Variants in RAB26 observed in about 807,000 individuals in gnomAD.
The protein encoded by RAB26 is ras-related protein Rab-26.
RAB26 carries 39 observed loss-of-function variants against 33.1 expected under a neutral mutation model. The observed-to-expected ratio is 1.18, with a 90% CI of 0.91 to 1.54. RAB26 has a LOEUF of 1.54. RAB26 is among the 40% of genes most tolerant of loss of function. The pLI is 0.00. For synonymous variants in RAB26, 192 were observed against 151.9 expected, an observed-to-expected ratio of 1.26 and a Z score of -1.94; for missense variants, 468 against 362.9, an observed-to-expected ratio of 1.29 and a Z score of -2.35.
At chr16:2,149,917 C>T in intron 1 of RAB26, 24 bp from the exon 2 acceptor site, 1 of 1,502,628 alleles carries the variant, frequency 6.7e-7, no homozygotes, top group Non-Finnish European at 8.9e-7. Flanking sequence ...ACCAGACTCC[C>T]CCCAACCCTC....
rs930172417 is a variant in RAB26 at position 2,153,345 on chromosome 16, C to T, written c.695C>T (p.Ala232Val). 3.7e-5 allele frequency: 60 copies of T among 1,613,412 alleles called. No individual in the cohort carries two copies. The highest frequency in any genetic ancestry group is 1.6e-4 in the Middle Eastern group (1 of 6,084). Residue 232 changes from alanine to valine, a missense_variant, in exon 9 of 9, where the codon GCT (alanine) becomes GTT (valine). Coordinates refer to ENST00000210187, the MANE Select transcript of RAB26 (RefSeq NM_014353.5). ...GAGTTGAAGCAGCGCTCCATGAAGGCTCCCAGCGAGCCGCGCTTCCGGCTG... is the reference window on the plus strand; with the variant it reads ...GAGTTGAAGCAGCGCTCCATGAAGGTTCCCAGCGAGCCGCGCTTCCGGCTG... ...AKELKQRSMK[A>V]PSEPRFRLHD... is the part of the protein sequence containing the mutation.
In RAB26 at chr16:2,148,628, C is replaced by T. The variant is rs1302979535; in HGVS notation, c.-156C>T. 6 of 385,280 alleles carry T rather than the reference C, an allele frequency of 1.6e-5. No homozygotes were observed. Among genetic ancestry groups the T allele is most frequent in the Admixed American group, 1.4e-4 (2 of 14,496 alleles). 23.9% of individuals were successfully genotyped at this position (385,280 alleles called of 1,614,324 possible). A position where few individuals can be genotyped will look rare whatever the true frequency, so the allele number is the denominator to read the frequency against. On this transcript the variant is annotated 5_prime_UTR_variant, in exon 1 of 9. Transcript: ENST00000210187. Reference sequence around the variant, plus strand: ...CCCGTGGAGCGGCGGGGGCGGGGCGCGAGCCGGGCGCCCGGGATGATGCCG... The same window carrying T: ...CCCGTGGAGCGGCGGGGGCGGGGCGTGAGCCGGGCGCCCGGGATGATGCCG...
At position 2,151,706 on chromosome 16, in the gene RAB26, A is replaced by G. The variant is rs369934144; in HGVS notation, c.360A>G (p.Thr120=). The part of the protein sequence containing the change: ...GVKVKLQMWD[T]AGQERFRSVT... ...GCCTGTCGCTGCAGATGTGGGACAC[A>G]GCTGGTCAGGAGCGGTTCCGCAGTG... The change falls in exon 4 of 9, where the codon ACA becomes ACG. Residue 120 remains threonine (T), a synonymous_variant. Transcript: ENST00000210187. 9.3e-6 allele frequency: 15 copies of G among 1,613,996 alleles called. No individual in the cohort carries two copies. In the African/African-American group the frequency reaches 1.6e-4, roughly 17 times the overall value.
chr16:2,149,671 C>T (rs373212343), intron 1 of RAB26, among the ~76,000 whole-genome samples: 8 of 152,202 alleles, frequency 5.3e-5, no homozygotes, highest in East Asian at 1.9e-4. Context: ...TGCTGTCCAC[C>T]GTGTGGGGGT....
At chr16:2,152,127 G>C (rs1044965266) in intron 5 of RAB26, among the ~76,000 whole-genome samples, 1 of 151,956 alleles carries the variant, frequency 6.6e-6, no homozygotes, top group African/African-American at 2.4e-5. Context: ...GTGGGCTTCT[G>C]TATGTGGTAC....
In RAB26 at chr16:2,148,892, G is replaced by A. The variant is rs1420609584; in HGVS notation, c.109G>A (p.Gly37Ser). Residue 37 changes from glycine to serine, a missense_variant, in exon 1 of 9, where the codon GGC becomes AGC. Coordinates refer to ENST00000210187, the MANE Select transcript of RAB26 (RefSeq NM_014353.5). ...GGCGCGCTCCGGGACTGCGCTTTCC[G>A]GCCCCGACGCGCCGCCCAACGGGCC... ...RPARSGTALS[G>S]PDAPPNGPLQ... 2 of 1,351,902 alleles carry A rather than the reference G, an allele frequency of 1.5e-6. No individual in the cohort carries two copies. Among genetic ancestry groups the A allele is most frequent in the Non-Finnish European group, 1.9e-6 (2 of 1,049,192 alleles). 83.7% of individuals were successfully genotyped at this position (1,351,902 alleles called of 1,614,324 possible). A position where few individuals can be genotyped will look rare whatever the true frequency, so the allele number is the denominator to read the frequency against.
At chr16:2,151,411 C>A in intron 2 of RAB26, 158 bp from the exon 3 acceptor site, 2 of 891,836 alleles carry the variant, frequency 2.2e-6, no homozygotes, top group South Asian at 1.4e-5. Flanking sequence ...CCTGCACTTG[C>A]AGGTGTGGGT....
rs2092994112 is a variant in RAB26 at position 2,148,683 on chromosome 16, A to G, written c.-101A>G. The G allele has an allele frequency of 3.8e-6, 3 of 779,622 alleles. No homozygotes were observed. Among genetic ancestry groups the G allele is most frequent in the African/African-American group, 2.1e-5 (1 of 47,974 alleles). 48.3% of individuals were successfully genotyped at this position (779,622 alleles called of 1,614,324 possible). On this transcript the variant is annotated 5_prime_UTR_variant, in exon 1 of 9. Transcript: ENST00000210187. ...CGCCGCCGCCGCCGCCGCCGCCGCC[A>G]GGGGAAGGGTTCGGGTCCGGGTCGG...
At position 2,152,840 on chromosome 16, in the gene RAB26, C is replaced by T. The variant is rs1197311971; in HGVS notation, c.489C>T (p.His163=). The stretch of plus-strand genomic sequence containing the variant: ...CACAGGCCTGGCTGACCGAGATCCA[C>T]GAGTACGCCCAGCACGACGTGGCGC... The part of the protein sequence containing the change: ...DNIQAWLTEI[H]EYAQHDVALM... Residue 163 remains histidine (H), a synonymous_variant, in exon 6 of 9, where the codon CAC becomes CAT. Transcript: ENST00000210187. 17 of 1,607,592 alleles carry T rather than the reference C, an allele frequency of 1.1e-5. No homozygotes were observed. Among genetic ancestry groups the T allele is most frequent in the African/African-American group, 2.7e-5 (2 of 74,716 alleles).
In RAB26 at chr16:2,153,728, AGGGCTG is replaced by A; in HGVS notation, c.*315_*320del. On this transcript the variant is annotated 3_prime_UTR_variant, in exon 9 of 9. Coordinates refer to ENST00000210187, the MANE Select transcript of RAB26 (RefSeq NM_014353.5). ...CCTCCTGGGCACGTCCAGGTGAGGG[AGGGCTG>A]GGGCTGGCACCACGCACAGTGCCTA... The A allele has an allele frequency of 5.3e-6, 3 of 570,866 alleles. No homozygotes were observed. The highest frequency in any genetic ancestry group is 9.9e-6 in the Non-Finnish European group (3 of 301,884). 35.4% of individuals were successfully genotyped at this position (570,866 alleles called of 1,614,324 possible).
chr16:2,151,984 A>T, intron 5 of RAB26, 76 bp downstream of exon 5: 1 of 1,576,820 alleles, frequency 6.3e-7, no homozygotes, highest in Non-Finnish European at 8.7e-7. Context: ...GGTAGATGGC[A>T]TCAGGGTTCC....
chr16:2,153,113 G>A, intron 7 of RAB26, 33 bp from the exon 8 acceptor site: 1 of 1,613,322 alleles, frequency 6.2e-7, no homozygotes, highest in Non-Finnish European at 8.5e-7. Flanking sequence ...GTCCCCGCCA[G>A]GCCACCACCT....
At chr16:2,151,021 G>A (rs1008966888) in intron 2 of RAB26, 2 of 326,996 alleles carry the variant, frequency 6.1e-6, no homozygotes, top group African/African-American at 2.2e-5. Context: ...GGCTGGGGAC[G>A]CTGCCAGGCA....
In RAB26 at chr16:2,148,638, G is replaced by T. The variant is rs1283384179; in HGVS notation, c.-146G>T. 4.0e-6 allele frequency: 2 copies of T among 502,654 alleles called. No individual in the cohort carries two copies. The highest frequency in any genetic ancestry group is 2.6e-6 in the Non-Finnish European group (1 of 390,964). 31.1% of individuals were successfully genotyped at this position (502,654 alleles called of 1,614,324 possible). On this transcript the variant is annotated 5_prime_UTR_variant, in exon 1 of 9. Coordinates refer to ENST00000210187, the MANE Select transcript of RAB26 (RefSeq NM_014353.5). The stretch of plus-strand genomic sequence containing the variant: ...GGCGGGGGCGGGGCGCGAGCCGGGC[G>T]CCCGGGATGATGCCGCCGCCGCCGC...
chr16:2,151,835 C>T, intron 4 of RAB26, 21 bp from the exon 5 acceptor site: 1 of 1,614,074 alleles, frequency 6.2e-7, no homozygotes, highest in Non-Finnish European at 8.5e-7. Context: ...GGTGGATGTC[C>T]TCACTGCCCT....
chr16:2,148,949 G>C lies in RAB26; in HGVS notation c.166G>C (p.Gly56Arg). 1 of 1,287,338 alleles carries C rather than the reference G, an allele frequency of 7.8e-7. No homozygotes were observed. Among genetic ancestry groups the C allele is most frequent in the Non-Finnish European group, 9.8e-7 (1 of 1,015,968 alleles). The allele number at this position is 1,287,338 out of a possible 1,614,324, so 79.7% of individuals were successfully genotyped here. Residue 56 changes from glycine to arginine, a missense_variant, in exon 1 of 9, where the codon GGT (glycine) becomes CGT (arginine). Transcript: ENST00000210187. ...LQPGRPSLGG[G>R]VDFYDVAFKV... Reference sequence around the variant, plus strand: ...GCCCGGCCGGCCCTCGCTTGGCGGCGGTGTCGACTTCTACGACGTCGCCTT... The same window carrying C: ...GCCCGGCCGGCCCTCGCTTGGCGGCCGTGTCGACTTCTACGACGTCGCCTT...
At chr16:2,152,693 C>CAAAAAAAA (rs58347017) in intron 5 of RAB26, 127 bp from the exon 6 acceptor site, 11 of 349,732 alleles carry the variant, frequency 3.1e-5, no homozygotes, top group South Asian at 1.0e-4. Flanking sequence ...ACTCTTGTCT[C>CAAAAAAAA]AAAAAAAAAA....
Position 2,153,520 on chromosome 16 carries a change from CGCCCGAGTGTCTGTTTTCAGGA to C in RAB26, c.*104_*125del. On this transcript the variant is annotated 3_prime_UTR_variant, in exon 9 of 9. Transcript: ENST00000210187. The stretch of plus-strand genomic sequence containing the variant: ...TCTGACTTTGTTGCCCAGTGGCCAA[CGCCCGAGTGTCTGTTTTCAGGA>C]GCCCCAGGTCAAGCCTTGTCCCTTC... The C allele has an allele frequency of 3.6e-6, 4 of 1,102,234 alleles. No homozygotes were observed. Among genetic ancestry groups the C allele is most frequent in the Non-Finnish European group, 5.3e-6 (4 of 755,292 alleles). The allele number at this position is 1,102,234 out of a possible 1,614,324, so 68.3% of individuals were successfully genotyped here. A position where few individuals can be genotyped will look rare whatever the true frequency, so the allele number is the denominator to read the frequency against.
Position 2,148,843 on chromosome 16 carries a change from G to A in RAB26, c.60G>A (p.Leu20=), listed in dbSNP as rs1399396432. The A allele has an allele frequency of 1.4e-6, 2 of 1,414,526 alleles. No homozygotes were observed. The highest frequency in any genetic ancestry group is 1.5e-5 in the South Asian group (1 of 65,338). 87.6% of individuals were successfully genotyped at this position (1,414,526 alleles called of 1,614,324 possible). The part of the protein sequence containing the change: ...KGASTPAAST[L]PTANGARPAR... ...CCAGCACCCCCGCTGCCTCCACGCT[G>A]CCCACCGCCAACGGGGCCCGACCGG... is the stretch of plus-strand genomic sequence containing the variant. Residue 20 remains leucine, a synonymous_variant, in exon 1 of 9, where the codon CTG becomes CTA. Transcript: ENST00000210187.
Sources: allele counts gnomAD v4.1 joint callset (sites outside exome capture counted in the v4.1 genomes callset), GRCh38; gene constraint gnomAD v4.1.1; transcripts MANE v1.5; gene names NCBI Gene and HGNC (gene_info 2026-07-23, HGNC 2026-07-21).